The following DTNA variants were observed in gnomAD, a reference collection of about 807,000 sequenced individuals.
DTNA encodes the protein dystrobrevin alpha.
DTNA carries 43 observed loss-of-function variants against 100.7 expected under a neutral mutation model. That is an observed-to-expected ratio of 0.43 (90% CI 0.33 to 0.55). DTNA has a LOEUF of 0.55. Among genes scored for constraint, DTNA ranks in the 20% least tolerant of loss-of-function variants. The pLI, the probability that DTNA is intolerant of heterozygous loss-of-function variation, is 0.04. For synonymous variants in DTNA, 349 were observed against 347.9 expected, an observed-to-expected ratio of 1.00 and a Z score of -0.04; for missense variants, 798 against 953.9, an observed-to-expected ratio of 0.84 and a Z score of 2.15.
chr18:34,621,256 T>C (rs2056449315), intron 1 of DTNA, among the ~76,000 whole-genome samples: 1 of 150,116 alleles, frequency 6.7e-6, no homozygotes, highest in Non-Finnish European at 1.5e-5. Context: ...CTGTGAATAA[T>C]GATTGTGTGT....
chr18:34,644,599 T>G (rs971103777), intron 1 of DTNA, among the ~76,000 whole-genome samples: 5 of 152,122 alleles, frequency 3.3e-5, no homozygotes, highest in Non-Finnish European at 7.4e-5. Flanking sequence ...TTTTTAATCA[T>G]CAAGAATATC....
At chr18:34,800,250 A>G (rs2095157150) in intron 4 of DTNA, among the ~76,000 whole-genome samples, 1 of 152,232 alleles carries the variant, frequency 6.6e-6, no homozygotes, top group Admixed American at 6.5e-5. Flanking sequence ...GTGTTATGAT[A>G]GGCTGGGAAT....
chr18:34,511,922 T>C (rs1287342847), intron 1 of DTNA, among the ~76,000 whole-genome samples: 1 of 152,074 alleles, frequency 6.6e-6, no homozygotes, highest in African/African-American at 2.4e-5. Context: ...GAAATTGGCT[T>C]GAGCTTCCAC....
At chr18:34,674,026 GTGATTTGATGGAAA>G (rs1347587963) in intron 1 of DTNA, among the ~76,000 whole-genome samples, 3 of 152,240 alleles carry the variant, frequency 2.0e-5, no homozygotes, top group Admixed American at 6.5e-5. Flanking sequence ...TCACTGGGCT[GTGATTTGATGGAAA>G]TGAATTATAG....
chr18:34,504,712 ATTTTC>A (rs2040314267), intron 1 of DTNA, among the ~76,000 whole-genome samples: 1 of 151,930 alleles, frequency 6.6e-6, no homozygotes, highest in Non-Finnish European at 1.5e-5. Context: ...ATTCTAATGG[ATTTTC>A]TTCTTTGGTA....
rs1004246212 is a variant in DTNA, at chr18:34,858,227, T to C, written c.1533-58T>C. 1.2e-5 allele frequency: 18 copies of C among 1,520,024 alleles called. No individual in the cohort carries two copies. In the African/African-American group the frequency reaches 2.3e-4, roughly 20 times the overall value. 94.2% of individuals were successfully genotyped at this position (1,520,024 alleles called of 1,614,324 possible). ...TTCTGGTGGCCTTGATCTGCTCCGA[T>C]GTTAGTTTCCTGAAAGCTAACTAAC... On this transcript the variant is annotated intron_variant, in intron 15 of 22. Transcript: ENST00000444659.
At chr18:34,868,042 AAC>A (rs1186561569) in intron 17 of DTNA, 31 of 974,636 alleles carry the variant, frequency 3.2e-5, no homozygotes, top group Non-Finnish European at 3.8e-5. Flanking sequence ...AAAAGATATA[AAC>A]AGTGACTTCA....
At chr18:34,838,275 A>C in intron 12 of DTNA, 104 bp downstream of exon 12, 1 of 1,271,806 alleles carries the variant, frequency 7.9e-7, no homozygotes, top group Non-Finnish European at 1.1e-6. Context: ...TCTTTGATTC[A>C]GTAAAAGCAG....
chr18:34,829,964 G>A (rs1602886110), intron 11 of DTNA, among the ~76,000 whole-genome samples: 1 of 152,160 alleles, frequency 6.6e-6, no homozygotes. Flanking sequence ...TTTCCCCCCA[G>A]GGAGGGAAGT....
chr18:34,543,116 G>A (rs2044412937), intron 1 of DTNA, among the ~76,000 whole-genome samples: 1 of 151,886 alleles, frequency 6.6e-6, no homozygotes, highest in South Asian at 2.1e-4. Context: ...CTCACTTGTA[G>A]CTTTAATAAA....
chr18:34,657,506 G>A (rs1195373868), intron 1 of DTNA, among the ~76,000 whole-genome samples: 1 of 152,106 alleles, frequency 6.6e-6, no homozygotes, highest in East Asian at 1.9e-4. Flanking sequence ...TCATGTAAAT[G>A]TTTATATTGT....
chr18:34,632,641 C>T (rs866354596), intron 1 of DTNA, among the ~76,000 whole-genome samples: 20 of 152,234 alleles, frequency 1.3e-4, no homozygotes, highest in Admixed American at 8.5e-4. Flanking sequence ...GTAGCTTATC[C>T]TAATTGTTCA....
intron 1 of DTNA, among the ~76,000 whole-genome samples, chr18:34,673,940 A>G (rs866428688): frequency 2.0e-5 from 3 of 152,238 alleles, no homozygotes; most frequent in South Asian, 4.1e-4. Flanking sequence ...GTATTAAAGT[A>G]GGCAACTGAA....
At chr18:34,728,811 G>T (rs150873543) in intron 1 of DTNA, among the ~76,000 whole-genome samples, 1 of 152,312 alleles carries the variant, frequency 6.6e-6, no homozygotes, top group Non-Finnish European at 1.5e-5. Context: ...ATGGCTGCCA[G>T]TAGCCCCCAA....
chr18:34,548,293 A>T (rs1406685982), intron 1 of DTNA, among the ~76,000 whole-genome samples: 1 of 152,102 alleles, frequency 6.6e-6, no homozygotes, highest in African/African-American at 2.4e-5. Context: ...CTGGTAATTC[A>T]CACAGGTTAG....
intron 1 of DTNA, among the ~76,000 whole-genome samples, chr18:34,543,063 A>G (rs1244925701): frequency 6.6e-6 from 1 of 152,026 alleles, no homozygotes; most frequent in Non-Finnish European, 1.5e-5. Context: ...TATAATGCAT[A>G]ATTATGTATT....
At chr18:34,872,412 G>C (rs1339218671) in intron 17 of DTNA, among the ~76,000 whole-genome samples, 4 of 152,204 alleles carry the variant, frequency 2.6e-5, no homozygotes, top group African/African-American at 9.6e-5. Flanking sequence ...AGACATTAAA[G>C]TAGTGAAATA....
chr18:34,747,277 A>T (rs796816404), intron 1 of DTNA, among the ~76,000 whole-genome samples: 89 of 152,218 alleles, frequency 5.8e-4, no homozygotes, highest in African/African-American at 2.1e-3. Flanking sequence ...TTCAAACTCA[A>T]CTAGCATCAT....
chr18:34,808,285 C>T (rs543891029), intron 5 of DTNA, among the ~76,000 whole-genome samples: 25 of 152,314 alleles, frequency 1.6e-4, no homozygotes, highest in Admixed American at 1.6e-3. Flanking sequence ...TGTAAGATTT[C>T]ATCCTCCTCC....
Sources: gnomAD v4.1 joint callset for allele counts (sites outside exome capture counted in the v4.1 genomes callset) on GRCh38, gnomAD v4.1.1 for gene constraint, MANE v1.5 for transcripts, NCBI Gene and HGNC (gene_info 2026-07-23, HGNC 2026-07-21) for gene names.